Variants in RIPOR2 observed in about 807,000 individuals in gnomAD.
RIPOR2 encodes RHO family interacting cell polarization regulator 2.
RIPOR2 carries 39 observed loss-of-function variants against 114.5 expected under a neutral mutation model. The observed-to-expected ratio is 0.34, with a 90% CI of 0.26 to 0.44. The LOEUF (loss-of-function observed/expected upper bound fraction) is 0.44, where lower values mean the gene tolerates loss of function less well. Ranked by LOEUF, RIPOR2 falls within the 20% of genes least tolerant of loss-of-function variation. The probability of loss-of-function intolerance (pLI) is 1.00; values close to 1 mark genes in which losing one functional copy is unlikely to be tolerated. For synonymous variants in RIPOR2, 445 were observed against 484.4 expected (o/e 0.92, Z 1.07); for missense variants, 1,007 against 1,255.1 (o/e 0.80, Z 2.99).
At chr6:24,837,936 T>C (rs548861817) in intron 14 of RIPOR2, among the ~76,000 whole-genome samples, 1 of 152,348 alleles carries the variant, frequency 6.6e-6, no homozygotes, top group South Asian at 2.1e-4. Context: ...ATTTACGTCA[T>C]ATTGTGCCAA....
intron 5 of RIPOR2, among the ~76,000 whole-genome samples, chr6:24,869,350 T>A (rs1240980711): frequency 2.7e-5 from 4 of 150,112 alleles, no homozygotes; most frequent in African/African-American, 9.8e-5. Flanking sequence ...GAAGTTTCGC[T>A]CTTGTTGCCC....
chr6:24,852,686 C>G (rs556921266), intron 8 of RIPOR2, 68 bp from the exon 9 acceptor site: 6 of 1,169,352 alleles, frequency 5.1e-6, no homozygotes, highest in Non-Finnish European at 5.9e-6. Flanking sequence ...CATACTGGCA[C>G]GTTAAAAAGA....
chr6:24,849,796 A>G lies in RIPOR2; in HGVS notation c.1034+6T>C. On this transcript the variant is annotated splice_donor_region_variant and intron_variant, in intron 11 of 21. Coordinates refer to ENST00000643898, the MANE Select transcript of RIPOR2 (RefSeq NM_001286445.3). Reference sequence around the variant, plus strand: ...TATATGATGAAATAAAGGAAGAGGCACTTACTACCAGGTGATTTCCAGGTT... The same window carrying G: ...TATATGATGAAATAAAGGAAGAGGCGCTTACTACCAGGTGATTTCCAGGTT... 6.2e-7 allele frequency: 1 copy of G among 1,612,502 alleles called. No homozygotes were observed. Among genetic ancestry groups the G allele is most frequent in the South Asian group, 1.1e-5 (1 of 91,034 alleles).
At chr6:24,903,063 C>G (rs780655589) in intron 1 of RIPOR2, among the ~76,000 whole-genome samples, 2 of 152,208 alleles carry the variant, frequency 1.3e-5, no homozygotes, top group Non-Finnish European at 2.9e-5. Flanking sequence ...CTCAGGGTCT[C>G]TCCTCAGTCA....
chr6:25,036,679 C>T (rs1179070801), intron 1 of RIPOR2, among the ~76,000 whole-genome samples: 1 of 152,188 alleles, frequency 6.6e-6, no homozygotes, highest in Non-Finnish European at 1.5e-5. Context: ...AGGTGTAAGC[C>T]ACCACGCTAG....
In RIPOR2 at chr6:24,872,920, C is replaced by G; in HGVS notation, c.384G>C (p.Leu128Phe). The G allele has an allele frequency of 6.2e-7, 1 of 1,612,602 alleles. No homozygotes were observed. Among genetic ancestry groups the G allele is most frequent in the Non-Finnish European group, 8.5e-7 (1 of 1,178,912 alleles). ...LEVHQTELDK[L>F]TAQLKDMKRN... ...TTTTCATATCTTTTAACTGAGCTGT[C>G]AACTTGTCCAGCTCCGTCTGGTGAA... Residue 128 changes from leucine (L) to phenylalanine (F), a missense_variant, in exon 4 of 22, where the codon TTG becomes TTC. Leu to Phe is a conservative substitution (Grantham distance 22). Transcript: ENST00000643898.
At chr6:24,982,265 G>A (rs1774327336) in intron 1 of RIPOR2, among the ~76,000 whole-genome samples, 1 of 152,134 alleles carries the variant, frequency 6.6e-6, no homozygotes, top group South Asian at 2.1e-4. Flanking sequence ...TTTGTATAAA[G>A]CAAAATAAAG....
At chr6:25,018,647 TA>T (rs1371457504) in intron 1 of RIPOR2, among the ~76,000 whole-genome samples, 3 of 152,228 alleles carry the variant, frequency 2.0e-5, no homozygotes, top group African/African-American at 7.2e-5. Flanking sequence ...AACTTGTTTG[TA>T]TTCCTTACAT....
At chr6:24,896,290 T>C (rs1395257578) in intron 1 of RIPOR2, among the ~76,000 whole-genome samples, 1 of 152,194 alleles carries the variant, frequency 6.6e-6, no homozygotes, top group Non-Finnish European at 1.5e-5. Flanking sequence ...ACCAAACTCA[T>C]AGGTCGCTAT....
intron 1 of RIPOR2, among the ~76,000 whole-genome samples, chr6:24,952,048 T>A (rs1772796607): frequency 6.6e-6 from 1 of 152,200 alleles, no homozygotes; most frequent in Non-Finnish European, 1.5e-5. Flanking sequence ...AATTTATACC[T>A]CTTTTGAAAT....
intron 7 of RIPOR2, among the ~76,000 whole-genome samples, chr6:24,864,842 C>G (rs1298944684): frequency 1.3e-5 from 2 of 152,150 alleles, no homozygotes. Context: ...GCTATCTGAA[C>G]CATAGGGTCT....
rs61159330 is a variant in RIPOR2, at chr6:24,900,099, A to G, written c.62-24282T>C. The stretch of plus-strand genomic sequence containing the variant: ...AGTCTCTGTTTCGAGTTGCTAAGCC[A>G]AAAGATCTGGCAGCCACAACTCAGC... On this transcript the variant is annotated intron_variant, in intron 1 of 21. Coordinates refer to ENST00000643898, the MANE Select transcript of RIPOR2 (RefSeq NM_001286445.3). Among the ~76,000 whole-genome samples, 173 of 152,348 alleles carry G rather than the reference A, an allele frequency of 1.1e-3. 1 individual carries two copies. The highest frequency in any genetic ancestry group is 3.9e-3 in the African/African-American group (163 of 41,586).
chr6:24,911,066 G>T (rs1340053181), intron 1 of RIPOR2: 4 of 793,092 alleles, frequency 5.0e-6, no homozygotes, highest in Non-Finnish European at 6.1e-6. Context: ...CGGGGCTGGC[G>T]GGCGCGAGGG....
chr6:24,849,120 G>T (rs544054646), intron 11 of RIPOR2, among the ~76,000 whole-genome samples: 3 of 152,266 alleles, frequency 2.0e-5, no homozygotes, highest in African/African-American at 7.2e-5. Flanking sequence ...GGCCAGGCTG[G>T]TCTCAAACTC....
intron 1 of RIPOR2, chr6:25,041,757 T>C (rs1035963765): frequency 1.7e-5 from 11 of 636,612 alleles, no homozygotes; most frequent in Non-Finnish European, 2.6e-5. Flanking sequence ...GGGGAAAGAT[T>C]GGAGAAGATT....
Position 24,894,211 on chromosome 6 carries a change from A to G in RIPOR2, c.62-18394T>C, listed in dbSNP as rs1353436409. ...CGAAGGTGATTCAGGACAATATTTCATGTTTGCAGACTGCACTTTTCCAAA... is the reference window on the plus strand; with the variant it reads ...CGAAGGTGATTCAGGACAATATTTCGTGTTTGCAGACTGCACTTTTCCAAA... On this transcript the variant is annotated intron_variant, in intron 1 of 21. Coordinates refer to ENST00000643898, the MANE Select transcript of RIPOR2 (RefSeq NM_001286445.3). Among the ~76,000 whole-genome samples, 5 of 152,244 alleles carry G rather than the reference A, an allele frequency of 3.3e-5. No individual in the cohort carries two copies. In the East Asian group the frequency reaches 9.6e-4, roughly 29 times the overall value.
intron 1 of RIPOR2, among the ~76,000 whole-genome samples, chr6:25,029,797 TATA>T (rs1345822010): frequency 6.6e-6 from 1 of 152,242 alleles, no homozygotes; most frequent in African/African-American, 2.4e-5. Context: ...TTGAGGGAAT[TATA>T]ATGATGTCTG....
intron 1 of RIPOR2, among the ~76,000 whole-genome samples, chr6:24,895,699 G>T (rs940499319): frequency 6.6e-6 from 1 of 152,170 alleles, no homozygotes. Context: ...GGATTTAAAA[G>T]AACTTCTTCG....
At chr6:24,954,940 T>C (rs1444436167) in intron 1 of RIPOR2, among the ~76,000 whole-genome samples, 3 of 152,218 alleles carry the variant, frequency 2.0e-5, no homozygotes, top group African/African-American at 4.8e-5. Context: ...CCTAATGTGG[T>C]ATATATGGAC....
Sources: allele counts gnomAD v4.1 joint callset (sites outside exome capture counted in the v4.1 genomes callset), GRCh38; gene constraint gnomAD v4.1.1; transcripts MANE v1.5; gene names NCBI Gene and HGNC (gene_info 2026-07-23, HGNC 2026-07-21).